Variants in PPARGC1B observed in about 807,000 individuals in gnomAD.
PPARGC1B encodes PPARG coactivator 1 beta.
PPARGC1B carries 34 observed loss-of-function variants against 101.6 expected under a neutral mutation model. That is an observed-to-expected ratio of 0.33 (90% CI 0.25 to 0.45). The LOEUF (loss-of-function observed/expected upper bound fraction) is 0.45, where lower values mean the gene tolerates loss of function less well. PPARGC1B is among the 20% of genes least tolerant of loss of function. The pLI, the probability that PPARGC1B is intolerant of heterozygous loss-of-function variation, is 1.00. For synonymous variants in PPARGC1B, 548 were observed against 539.3 expected (o/e 1.02, Z -0.22); for missense variants, 1,234 against 1,317.6 (o/e 0.94, Z 0.98).
chr5:149,789,206 G>T (rs1756921386), intron 1 of PPARGC1B, among the ~76,000 whole-genome samples: 1 of 152,334 alleles, frequency 6.6e-6, no homozygotes, highest in Middle Eastern at 3.4e-3. Flanking sequence ...TAGTGTGTTT[G>T]TCAGTGTAGT....
chr5:149,838,712 T>C (rs947110074), intron 8 of PPARGC1B, among the ~76,000 whole-genome samples: 4 of 152,214 alleles, frequency 2.6e-5, no homozygotes, highest in Admixed American at 6.5e-5. Context: ...CTTTTTCTCT[T>C]CTCACTTTTG....
In PPARGC1B at chr5:149,833,599, T is replaced by C; in HGVS notation, c.1526T>C (p.Leu509Pro). The change falls in exon 5 of 12, where the codon CTG (leucine) becomes CCG (proline). Residue 509 changes from leucine (L) to proline (P), a missense_variant. Coordinates refer to ENST00000309241, the MANE Select transcript of PPARGC1B (RefSeq NM_133263.4). This position sits in a 1 kb window ranked among gnomAD's most constrained non-coding sequence, Gnocchi z 4.1. ...GAGCCCCAAGGTGCTCTGCCCTCAC[T>C]GTGCCTGGCTCCCAAGGCCTACGAC... The part of the protein sequence containing the change: ...PSEPQGALPS[L>P]CLAPKAYDVE... The C allele has an allele frequency of 1.9e-6, 3 of 1,606,678 alleles. No individual in the cohort carries two copies. Among genetic ancestry groups the C allele is most frequent in the Non-Finnish European group, 2.5e-6 (3 of 1,176,926 alleles).
chr5:149,753,566 G>A (rs1013615863), intron 1 of PPARGC1B, among the ~76,000 whole-genome samples: 1 of 152,030 alleles, frequency 6.6e-6, no homozygotes, highest in Non-Finnish European at 1.5e-5. Context: ...CTCTTACACA[G>A]AAATAGGTTA....
At chr5:149,825,992 G>C (rs150343386) in intron 2 of PPARGC1B, among the ~76,000 whole-genome samples, 1 of 152,200 alleles carries the variant, frequency 6.6e-6, no homozygotes, top group Admixed American at 6.5e-5. Context: ...GTCCTCAGCA[G>C]TAACCTTAGG....
At chr5:149,785,260 TG>T (rs67635592) in intron 1 of PPARGC1B, among the ~76,000 whole-genome samples, 18,557 of 151,938 alleles carry the variant, frequency 0.12, 1,210 homozygotes, top group East Asian at 0.24. Context: ...GTTGTAAAGG[TG>T]GGATAGGAAA....
intron 8 of PPARGC1B, among the ~76,000 whole-genome samples, chr5:149,838,450 G>A (rs533481943): frequency 1.3e-5 from 2 of 152,198 alleles, no homozygotes; most frequent in South Asian, 4.2e-4. Flanking sequence ...CTTTCCCGGG[G>A]GTAGCTTCTG....
intron 1 of PPARGC1B, among the ~76,000 whole-genome samples, chr5:149,780,103 A>G (rs1294124169): frequency 1.3e-5 from 2 of 152,218 alleles, no homozygotes; most frequent in Non-Finnish European, 2.9e-5. Flanking sequence ...CTAGGCCCAC[A>G]GGTACAAAGC....
rs544992433 is a variant in PPARGC1B at position 149,765,523 on chromosome 5, T to C, written c.78+35103T>C. On this transcript the variant is annotated intron_variant, in intron 1 of 11. Transcript: ENST00000309241. The stretch of plus-strand genomic sequence containing the variant: ...GTCGATGGCTGTAAAAGTTGCCCAG[T>C]GGTGAACTCAGTTAGGTCTTATCTG... 2.8e-4 allele frequency among the ~76,000 whole-genome samples: 43 copies of C among 152,208 alleles called. No individual in the cohort carries two copies. In the Middle Eastern group the frequency reaches 0.01, roughly 36 times the overall value.
chr5:149,816,088 A>G (rs564520547), intron 1 of PPARGC1B, among the ~76,000 whole-genome samples: 3 of 152,324 alleles, frequency 2.0e-5, no homozygotes, highest in Admixed American at 6.5e-5. Context: ...TTCAAAAAGA[A>G]CTGGGCCACT....
In PPARGC1B at chr5:149,808,913, A is replaced by G. The variant is rs180932163; in HGVS notation, c.79-11520A>G. On this transcript the variant is annotated intron_variant, in intron 1 of 11. Coordinates refer to ENST00000309241, the MANE Select transcript of PPARGC1B (RefSeq NM_133263.4). ...AAATTAGTAATGGGGGTAGTTCTGG[A>G]GATGGATGGTGGTGATGGCTGCATA... Among the ~76,000 whole-genome samples the G allele has an allele frequency of 5.4e-4, 82 of 152,216 alleles. No individual in the cohort carries two copies. The East Asian group carries it at 0.011, about 20-fold the overall frequency.
At chr5:149,827,896 C>T (rs1189471550) in intron 3 of PPARGC1B, among the ~76,000 whole-genome samples, 2 of 152,232 alleles carry the variant, frequency 1.3e-5, no homozygotes, top group Non-Finnish European at 2.9e-5. Context: ...TAGCTTTGCT[C>T]AGCCTGTCTT....
chr5:149,819,643 C>T (rs531777731), intron 1 of PPARGC1B, among the ~76,000 whole-genome samples: 1 of 152,336 alleles, frequency 6.6e-6, no homozygotes, highest in Admixed American at 6.5e-5. Context: ...ACTGAGATTA[C>T]AGGCATGCGC....
At chr5:149,804,866 A>C (rs1474337557) in intron 1 of PPARGC1B, among the ~76,000 whole-genome samples, 1 of 152,198 alleles carries the variant, frequency 6.6e-6, no homozygotes, top group Non-Finnish European at 1.5e-5. Context: ...CCTACTGTAT[A>C]GGGAGGGTGG....
At chr5:149,838,455 C>G (rs1337529187) in intron 8 of PPARGC1B, among the ~76,000 whole-genome samples, 1 of 152,226 alleles carries the variant, frequency 6.6e-6, no homozygotes, top group Non-Finnish European at 1.5e-5. Flanking sequence ...CCGGGGGTAG[C>G]TTCTGCCCTA....
chr5:149,765,721 C>T (rs1283560276), intron 1 of PPARGC1B, among the ~76,000 whole-genome samples: 1 of 151,994 alleles, frequency 6.6e-6, no homozygotes, highest in Non-Finnish European at 1.5e-5. Flanking sequence ...ATTAGCCAGG[C>T]GTGGTGGCGG....
intron 3 of PPARGC1B, among the ~76,000 whole-genome samples, chr5:149,830,055 G>GAAA (rs71587791): frequency 1.1e-5 from 1 of 89,816 alleles, no homozygotes; most frequent in Non-Finnish European, 2.1e-5. Context: ...AAAAAAAAAA[G>GAAA]AAAAAAAAAA....
chr5:149,818,714 C>T, intron 1 of PPARGC1B: 1 of 410,924 alleles, frequency 2.4e-6, no homozygotes, highest in Admixed American at 2.6e-5. Context: ...AGTTCCCGCT[C>T]CTCTCTGCCT....
intron 1 of PPARGC1B, among the ~76,000 whole-genome samples, chr5:149,739,697 G>T (rs1442496587): frequency 1.3e-5 from 2 of 152,172 alleles, no homozygotes; most frequent in Non-Finnish European, 2.9e-5. Context: ...GCTGGGCTTT[G>T]GATGGCCGTG....
chr5:149,789,487 T>A (rs1581055792), intron 1 of PPARGC1B, among the ~76,000 whole-genome samples: 1 of 152,202 alleles, frequency 6.6e-6, no homozygotes, highest in East Asian at 1.9e-4. Flanking sequence ...AAATAATAAA[T>A]GTGAAATCAT....
Sources: allele counts gnomAD v4.1 joint callset (sites outside exome capture counted in the v4.1 genomes callset), GRCh38; gene constraint gnomAD v4.1.1; non-coding constraint Gnocchi (gnomAD v3.1); transcripts MANE v1.5; gene names NCBI Gene and HGNC (gene_info 2026-07-23, HGNC 2026-07-21).